The following ZNF358 variants were observed in gnomAD, a reference collection of about 807,000 sequenced individuals.
ZNF358 encodes zinc finger protein 358.
ZNF358 carries 1 observed loss-of-function variant against 2.1 expected under a neutral mutation model. The ratio of observed to expected loss-of-function variants is 0.49; its 90% CI spans 0.17 to 2.30. ZNF358 has a LOEUF of 2.30. ZNF358 is among the 30% of genes most tolerant of loss of function. The pLI, the probability that ZNF358 is intolerant of heterozygous loss-of-function variation, is 0.26. For synonymous variants in ZNF358, 381 were observed against 359.7 expected (o/e 1.06, Z -0.67); for missense variants, 665 against 806.8 (o/e 0.82, Z 2.13).
At chr19:7,514,753 C>T (rs2022313471), upstream of ZNF358, among the ~76,000 whole-genome samples, 3 of 152,222 alleles carry the variant, frequency 2.0e-5, no homozygotes, top group Admixed American at 2.0e-4. Context: ...CTGCCTCAGC[C>T]TCCCGAGTAG....
At chr19:7,518,530 G>GGAAGGAAA (rs1555740093) in intron 1 of ZNF358, among the ~76,000 whole-genome samples, 1 of 76,242 alleles carries the variant, frequency 1.3e-5, no homozygotes, top group African/African-American at 4.8e-5. Context: ...AAGGAAGGAA[G>GGAAGGAAA]GAAAGAAAGA....
At chr19:7,517,058 G>C (rs1195225279) in intron 1 of ZNF358, among the ~76,000 whole-genome samples, 1 of 152,106 alleles carries the variant, frequency 6.6e-6, no homozygotes, top group Non-Finnish European at 1.5e-5. Flanking sequence ...TCCCCAGAAG[G>C]GGAGCCACAG....
rs888606943 is a variant in ZNF358 at position 7,516,512 on chromosome 19, C to T, written c.-39+263C>T. Reference sequence around the variant, plus strand: ...AGGAGGTTGGGAGCCTTCAATCGGGCGGGGTGGGGGGCGCCCGCCAGCTCT... The same window carrying T: ...AGGAGGTTGGGAGCCTTCAATCGGGTGGGGTGGGGGGCGCCCGCCAGCTCT... On this transcript the variant is annotated intron_variant, in intron 1 of 1. Transcript: ENST00000597229. The surrounding 1 kb of genome is among the most constrained non-coding windows in gnomAD (Gnocchi z 5.9). 1.3e-5 allele frequency among the ~76,000 whole-genome samples: 2 copies of T among 149,452 alleles called. No homozygotes were observed. Among genetic ancestry groups the T allele is most frequent in the Non-Finnish European group, 3.0e-5 (2 of 66,988 alleles).
Position 7,519,571 on chromosome 19 carries a change from G to T in ZNF358, c.329G>T (p.Ser110Ile). The T allele has an allele frequency of 6.2e-7, 1 of 1,601,532 alleles. No homozygotes were observed. The highest frequency in any genetic ancestry group is 8.5e-7 in the Non-Finnish European group (1 of 1,179,916). The stretch of plus-strand genomic sequence containing the variant: ...GTACCCCTGATTCTCGATCCTAACA[G>T]CGACACCCTCAGCCCCGGCGATCCA... ...GPVPLILDPN[S>I]DTLSPGDPKV... is the part of the protein sequence containing the mutation. Residue 110 changes from serine (S) to isoleucine (I), a missense_variant, in exon 2 of 2, where the codon AGC becomes ATC. Physicochemically the swap from Ser to Ile is moderately radical, Grantham distance 142 (BLOSUM62 -2). Coordinates refer to ENST00000597229, the MANE Select transcript of ZNF358 (RefSeq NM_018083.5).
intron 1 of ZNF358, among the ~76,000 whole-genome samples, chr19:7,518,803 G>A (rs928631737): frequency 3.3e-5 from 5 of 151,850 alleles, no homozygotes; most frequent in Non-Finnish European, 1.5e-5. Flanking sequence ...GGTGGCTCAC[G>A]CCTGTAATCC....
At position 7,519,839 on chromosome 19, in the gene ZNF358, C is replaced by A; in HGVS notation, c.597C>A (p.Gly199=). ...SHGATLAQHR[G]IHTGARPYQC... ...GTGCCACCCTGGCTCAGCACCGTGG[C>A]ATCCACACTGGGGCGCGGCCGTACC... The change falls in exon 2 of 2, where the codon GGC becomes GGA. Residue 199 remains glycine (G), a synonymous_variant. Coordinates refer to ENST00000597229, the MANE Select transcript of ZNF358 (RefSeq NM_018083.5). 6.5e-7 allele frequency: 1 copy of A among 1,532,504 alleles called. No homozygotes were observed. 94.9% of individuals were successfully genotyped at this position (1,532,504 alleles called of 1,614,324 possible).
At position 7,519,681 on chromosome 19, in the gene ZNF358, C is replaced by T; in HGVS notation, c.439C>T (p.Pro147Ser). 1.3e-6 allele frequency: 2 copies of T among 1,581,222 alleles called. No individual in the cohort carries two copies. Among genetic ancestry groups the T allele is most frequent in the Non-Finnish European group, 1.7e-6 (2 of 1,171,196 alleles). ...SPAVLPAPAS[P>S]PRPFSCPDCG... ...CGCGGTGCTCCCCGCCCCCGCCAGC[C>T]CGCCCCGGCCCTTCTCCTGCCCGGA... Residue 147 changes from proline (P) to serine (S), a missense_variant, in exon 2 of 2, where the codon CCG (proline) becomes TCG (serine). By Grantham distance (74) the Pro-to-Ser change is moderately conservative. Coordinates refer to ENST00000597229, the MANE Select transcript of ZNF358 (RefSeq NM_018083.5).
At position 7,520,453 on chromosome 19, in the gene ZNF358, C is replaced by T. The variant is rs1211413613; in HGVS notation, c.1211C>T (p.Ala404Val). Residue 404 changes from alanine to valine, a missense_variant, in exon 2 of 2, where the codon GCA becomes GTA. Physicochemically the swap from Ala to Val is moderately conservative, Grantham distance 64 (BLOSUM62 0). Around this residue, in one of 3 missense-constraint regions of ZNF358, gnomAD observed 249 missense variants for 227.6 expected, o/e 1.09. Coordinates refer to ENST00000597229, the MANE Select transcript of ZNF358 (RefSeq NM_018083.5). The surrounding 1 kb of genome is among the most constrained non-coding windows in gnomAD (Gnocchi z 6.0). ...KRVHEGAAAA[A>V]AAAAAAAAAA... ...GTGCATGAGGGTGCAGCCGCTGCTG[C>T]AGCTGCCGCGGCCGCTGCAGCTGCA... The T allele has an allele frequency of 6.6e-7, 1 of 1,506,762 alleles. No homozygotes were observed. Among genetic ancestry groups the T allele is most frequent in the Admixed American group, 2.3e-5 (1 of 43,478 alleles). The allele number at this position is 1,506,762 out of a possible 1,614,324, so 93.3% of individuals were successfully genotyped here. A position where few individuals can be genotyped will look rare whatever the true frequency, so the allele number is the denominator to read the frequency against.
chr19:7,518,591 G>GAA (rs1555740181), intron 1 of ZNF358, among the ~76,000 whole-genome samples: 1 of 150,260 alleles, frequency 6.7e-6, no homozygotes, highest in Non-Finnish European at 1.5e-5. Flanking sequence ...AAGAAAGAAA[G>GAA]AAAGAAAGAA....
chr19:7,516,284 G>C lies in ZNF358; in HGVS notation c.-39+35G>C, dbSNP rs1486734912. 1 of 138,340 alleles carries C rather than the reference G, an allele frequency of 7.2e-6. No individual in the cohort carries two copies. Among genetic ancestry groups the C allele is most frequent in the Non-Finnish European group, 1.6e-5 (1 of 62,318 alleles). 8.6% of individuals were successfully genotyped at this position (138,340 alleles called of 1,614,324 possible). A position where few individuals can be genotyped will look rare whatever the true frequency, so the allele number is the denominator to read the frequency against. On this transcript the variant is annotated intron_variant, in intron 1 of 1. Coordinates refer to ENST00000597229, the MANE Select transcript of ZNF358 (RefSeq NM_018083.5). This position sits in a 1 kb window ranked among gnomAD's most constrained non-coding sequence, Gnocchi z 5.9. ...CCTGCGAGCGGGCTGGGGCCGGGGC[G>C]GGGGGCTGGGTGGGGGGCGGGCGGG... is the stretch of plus-strand genomic sequence containing the variant.
Position 7,519,664 on chromosome 19 carries a change from TC to T in ZNF358, c.426del (p.Ala143ProfsTer24). The T allele has an allele frequency of 6.3e-7, 1 of 1,574,912 alleles. No homozygotes were observed. Among genetic ancestry groups the T allele is most frequent in the Non-Finnish European group, 8.6e-7 (1 of 1,167,856 alleles). Reference protein sequence around the residue: ...PQVLATSPAVLPAPASPPRPF... With the variant: ...PQVLATSPAVXPAPASPPRPF... ...GTCTTGGCCACCAGCCCCGCGGTGC[TC>T]CCCGCCCCCGCCAGCCCGCCCCGGC... On this transcript the variant is annotated frameshift_variant, in exon 2 of 2. Transcript: ENST00000597229. LOFTEE classifies it low-confidence loss of function (END_TRUNC).
chr19:7,517,822 T>C (rs944853676), intron 1 of ZNF358, among the ~76,000 whole-genome samples: 2 of 152,182 alleles, frequency 1.3e-5, no homozygotes, highest in Non-Finnish European at 2.9e-5. Flanking sequence ...TTCTTGTCTT[T>C]CCCCAGTGAC....
At position 7,519,227 on chromosome 19, in the gene ZNF358, C is replaced by T. The variant is rs766556493; in HGVS notation, c.-16C>T. ...CAGGTCTTGCCCCAGAAGCTGCGGG[C>T]ACATCCACGCCTGAAATGCGGCGCT... is the stretch of plus-strand genomic sequence containing the variant. On this transcript the variant is annotated 5_prime_UTR_variant, in exon 2 of 2. Transcript: ENST00000597229. 1.2e-5 allele frequency: 19 copies of T among 1,608,014 alleles called. No homozygotes were observed. In the South Asian group the frequency reaches 1.7e-4, roughly 14 times the overall value.
chr19:7,519,269 C>A lies in ZNF358; in HGVS notation c.27C>A (p.Asn9Lys). The change falls in exon 2 of 2, where the codon AAC (asparagine) becomes AAA (lysine). Residue 9 changes from asparagine to lysine, a missense_variant. Transcript: ENST00000597229. The stretch of plus-strand genomic sequence containing the variant: ...TGCGGCGCTCAGTCCTGGTCAGGAA[C>A]CCAGGCCACAAAGGCCTGAGACCCG... MRRSVLVR[N>K]PGHKGLRPVY... 1 of 1,613,938 alleles carries A rather than the reference C, an allele frequency of 6.2e-7. No homozygotes were observed. The highest frequency in any genetic ancestry group is 1.1e-5 in the South Asian group (1 of 91,068).
chr19:7,518,746 G>T (rs1277741609), intron 1 of ZNF358, among the ~76,000 whole-genome samples: 1 of 152,010 alleles, frequency 6.6e-6, no homozygotes, highest in East Asian at 1.9e-4. Flanking sequence ...GTGACAGAGT[G>T]AGACCCCATC....
chr19:7,519,375 C>G lies in ZNF358; in HGVS notation c.133C>G (p.Pro45Ala). ...DLDPVSEDPE[P>A]DPEDLNTVPE... ...GGACCCGGTTTCTGAAGACCCAGAG[C>G]CTGATCCTGAAGACCTCAACACTGT... Residue 45 changes from proline to alanine, a missense_variant, in exon 2 of 2, where the codon CCT (proline) becomes GCT (alanine). Physicochemically the swap from Pro to Ala is conservative, Grantham distance 27 (BLOSUM62 -1). This residue lies in a region of ZNF358 where 206 missense variants were observed against 228.4 expected (regional missense o/e 0.90). Transcript: ENST00000597229. 1 of 1,614,140 alleles carries G rather than the reference C, an allele frequency of 6.2e-7. No individual in the cohort carries two copies. The highest frequency in any genetic ancestry group is 8.5e-7 in the Non-Finnish European group (1 of 1,180,018).
upstream of ZNF358, among the ~76,000 whole-genome samples, chr19:7,514,511 C>G (rs2022310444): frequency 6.6e-6 from 1 of 152,200 alleles, no homozygotes; most frequent in African/African-American, 2.4e-5. Flanking sequence ...CAGGCTGAGT[C>G]TAACACACAT....
At chr19:7,519,052 G>A (rs1454582101) in intron 1 of ZNF358, among the ~76,000 whole-genome samples, 153 bp from the exon 2 acceptor site, 1 of 123,036 alleles carries the variant, frequency 8.1e-6, no homozygotes, top group Non-Finnish European at 1.6e-5. Context: ...GCAACAGAAC[G>A]AGACCCCATC....
At chr19:7,516,008 G>C (rs1032718614), upstream of ZNF358, 4 of 151,020 alleles carry the variant, frequency 2.6e-5, no homozygotes, top group East Asian at 2.0e-4. This position sits in a 1 kb window ranked among gnomAD's most constrained non-coding sequence, Gnocchi z 5.9. Flanking sequence ...GGGGACAAAG[G>C]CCTGCCCGGG....
Sources: gnomAD v4.1 joint callset for allele counts (sites outside exome capture counted in the v4.1 genomes callset) on GRCh38, gnomAD v4.1.1 for gene constraint, gnomAD v4.1.1 regional missense constraint, Gnocchi (gnomAD v3.1) non-coding constraint, MANE v1.5 for transcripts, NCBI Gene and HGNC (gene_info 2026-07-23, HGNC 2026-07-21) for gene names.